The following PDE5A variants were observed in gnomAD, a reference collection of about 807,000 sequenced individuals.
The protein encoded by PDE5A is phosphodiesterase 5A.
A neutral mutation model predicts 110.2 loss-of-function variants in PDE5A; 67 were observed. The ratio of observed to expected loss-of-function variants is 0.61; its 90% confidence interval spans 0.50 to 0.75. The LOEUF is 0.75. Ranked by LOEUF, PDE5A falls within the 30% of genes least tolerant of loss-of-function variation. The pLI, the probability that PDE5A is intolerant of heterozygous loss-of-function variation, is 0.00. For missense variants in PDE5A, 862 were observed against 1,045.1 expected (o/e 0.82, Z 2.42); for synonymous variants, 328 against 351.2 (o/e 0.93, Z 0.74).
intron 3 of PDE5A, among the ~76,000 whole-genome samples, chr4:119,580,039 G>C (rs911046879): frequency 2.2e-4 from 33 of 152,226 alleles, no homozygotes; most frequent in African/African-American, 7.7e-4. Context: ...CCCCAGACGG[G>C]GCCAGGGCAA....
intron 11 of PDE5A, among the ~76,000 whole-genome samples, chr4:119,537,899 G>T (rs997743871): frequency 6.6e-6 from 1 of 152,078 alleles, no homozygotes; most frequent in Non-Finnish European, 1.5e-5. Context: ...AGAGAGTGGA[G>T]GAGCAGCTAT....
At chr4:119,613,969 C>T (rs1729845696) in intron 1 of PDE5A, among the ~76,000 whole-genome samples, 2 of 151,608 alleles carry the variant, frequency 1.3e-5, no homozygotes, top group Admixed American at 1.3e-4. Context: ...ATGAAGAAGG[C>T]ACTCCGTAAC....
rs1335969996 is a variant in PDE5A at position 119,496,921 on chromosome 4, C to T, written c.*1680G>A. 1.3e-5 allele frequency: 2 copies of T among 152,280 alleles called. No homozygotes were observed. The highest frequency in any genetic ancestry group is 4.8e-5 in the African/African-American group (2 of 41,368). 9.4% of individuals were successfully genotyped at this position (152,280 alleles called of 1,614,324 possible). On this transcript the variant is annotated 3_prime_UTR_variant, in exon 21 of 21. Coordinates refer to ENST00000354960, the MANE Select transcript of PDE5A (RefSeq NM_001083.4). ...ACCTTTACCAAATACAAAATAATGGCAATACAATGTGTTTTGCTTCTATTT... is the reference window on the plus strand; with the variant it reads ...ACCTTTACCAAATACAAAATAATGGTAATACAATGTGTTTTGCTTCTATTT...
At chr4:119,528,417 G>A (rs1246870914) in intron 11 of PDE5A, among the ~76,000 whole-genome samples, 1 of 149,072 alleles carries the variant, frequency 6.7e-6, no homozygotes, top group Non-Finnish European at 1.5e-5. Flanking sequence ...AAAACTAATT[G>A]TTCTAAATAC....
chr4:119,563,423 A>G (rs1727814810), intron 5 of PDE5A, among the ~76,000 whole-genome samples: 1 of 152,196 alleles, frequency 6.6e-6, no homozygotes, highest in Non-Finnish European at 1.5e-5. Flanking sequence ...AGTAAATATT[A>G]CCCGTCAAAG....
rs144254690 is a variant in PDE5A at position 119,524,333 on chromosome 4, GGATA to G, written c.1779+1212_1779+1215del. The stretch of plus-strand genomic sequence containing the variant: ...CCCAATTTCTTCATTTGTAAAATGG[GGATA>G]ACAGTAATCCCAGTAACAGCCTTTC... On this transcript the variant is annotated intron_variant, in intron 12 of 20. Transcript: ENST00000354960. Among the ~76,000 whole-genome samples, 1,145 of 152,122 alleles carry G rather than the reference GGATA, an allele frequency of 7.5e-3. 13 individuals are homozygous for G. Among genetic ancestry groups the G allele is most frequent in the African/African-American group, 0.026 (1,080 of 41,530 alleles).
chr4:119,622,386 A>T (rs760188693), intron 1 of PDE5A, among the ~76,000 whole-genome samples: 25 of 152,208 alleles, frequency 1.6e-4, no homozygotes, highest in Non-Finnish European at 1.9e-4. Context: ...TCAAATGGTG[A>T]TCCTTTCTCT....
chr4:119,506,464 G>A (rs995816055), intron 16 of PDE5A, among the ~76,000 whole-genome samples: 2 of 151,704 alleles, frequency 1.3e-5, no homozygotes, highest in African/African-American at 4.8e-5. Context: ...GCCCAGTATT[G>A]TTAAGCATTT....
intron 9 of PDE5A, among the ~76,000 whole-genome samples, chr4:119,545,893 C>T (rs1727116365): frequency 6.6e-6 from 1 of 152,124 alleles, no homozygotes; most frequent in Admixed American, 6.5e-5. Flanking sequence ...CTTGCAAATA[C>T]TTTTGTTTCT....
intron 1 of PDE5A, among the ~76,000 whole-genome samples, chr4:119,625,771 A>G (rs564562304): frequency 7.9e-5 from 12 of 152,332 alleles, no homozygotes; most frequent in East Asian, 7.7e-4. Flanking sequence ...AACGTATGCA[A>G]TAAGTTTTTA....
chr4:119,611,839 A>G (rs546599736), intron 1 of PDE5A, among the ~76,000 whole-genome samples: 1 of 152,342 alleles, frequency 6.6e-6, no homozygotes, highest in African/African-American at 2.4e-5. Context: ...ACATGTTATC[A>G]TAACATCAAA....
Position 119,525,686 on chromosome 4 carries a change from C to T in PDE5A, c.1642G>A (p.Val548Met), listed in dbSNP as rs776328101. Reference protein sequence around the residue: ...RELQSLAAAVVPSAQTLKITD... With the variant: ...RELQSLAAAVMPSAQTLKITD... ...ATTTTAAGGGTCTGGGCAGATGGCACCACAGCAGCCTTGGGTAAGGAAAGA... is the reference window on the plus strand; with the variant it reads ...ATTTTAAGGGTCTGGGCAGATGGCATCACAGCAGCCTTGGGTAAGGAAAGA... Residue 548 changes from valine to methionine, a missense_variant, in exon 12 of 21, where the codon GTG (valine) becomes ATG (methionine). Physicochemically the swap from Val to Met is conservative, Grantham distance 21 (BLOSUM62 1). Transcript: ENST00000354960. This position sits in a 1 kb window ranked among gnomAD's most constrained non-coding sequence, Gnocchi z 4.3. 1.1e-5 allele frequency: 18 copies of T among 1,607,712 alleles called. No homozygotes were observed. The highest frequency in any genetic ancestry group is 1.0e-5 in the Non-Finnish European group (12 of 1,177,938).
chr4:119,512,974 G>C (rs1306261645), intron 14 of PDE5A: 3 of 152,024 alleles, frequency 2.0e-5, no homozygotes, highest in African/African-American at 7.2e-5. Flanking sequence ...ATGTCAGGTA[G>C]TTTGCTTTAA....
intron 1 of PDE5A, among the ~76,000 whole-genome samples, chr4:119,617,740 T>G (rs1050507670): frequency 1.3e-5 from 2 of 152,138 alleles, no homozygotes; most frequent in African/African-American, 2.4e-5. Flanking sequence ...AAATAATGTA[T>G]CAAAGGATAA....
At position 119,562,877 on chromosome 4, in the gene PDE5A, G is replaced by T; in HGVS notation, c.1087C>A (p.Gln363Lys). The T allele has an allele frequency of 1.9e-6, 3 of 1,595,310 alleles. No individual in the cohort carries two copies. Among genetic ancestry groups the T allele is most frequent in the Non-Finnish European group, 2.6e-6 (3 of 1,172,146 alleles). ...KIAATIISFM[Q>K]VQKCTIFIVD... Reference sequence around the variant, plus strand: ...ATGAAAATGGTGCATTTCTGCACTTGCATGAAAGAGATAATAGTGGCAGCT... The same window carrying T: ...ATGAAAATGGTGCATTTCTGCACTTTCATGAAAGAGATAATAGTGGCAGCT... Residue 363 changes from glutamine to lysine, a missense_variant, in exon 6 of 21, where the codon CAA (glutamine) becomes AAA (lysine). Coordinates refer to ENST00000354960, the MANE Select transcript of PDE5A (RefSeq NM_001083.4).
chr4:119,496,664 T>C lies in PDE5A; in HGVS notation c.*1937A>G, dbSNP rs183097321. 1.3e-5 allele frequency: 2 copies of C among 152,598 alleles called. No homozygotes were observed. The highest frequency in any genetic ancestry group is 2.1e-4 in the South Asian group (1 of 4,830). 9.5% of individuals were successfully genotyped at this position (152,598 alleles called of 1,614,324 possible). A position where few individuals can be genotyped will look rare whatever the true frequency, so the allele number is the denominator to read the frequency against. The stretch of plus-strand genomic sequence containing the variant: ...ATGTAATAAAAAGGTTTATTAAAGA[T>C]TGCTATTCTTTATGCAATTTTTCTA... On this transcript the variant is annotated 3_prime_UTR_variant, in exon 21 of 21. Transcript: ENST00000354960.
At chr4:119,527,926 A>C (rs1726385481) in intron 11 of PDE5A, among the ~76,000 whole-genome samples, 1 of 152,146 alleles carries the variant, frequency 6.6e-6, no homozygotes, top group Non-Finnish European at 1.5e-5. Context: ...TTGCTTATTT[A>C]TATGAGAGCA....
intron 14 of PDE5A, among the ~76,000 whole-genome samples, chr4:119,517,321 G>A (rs928779167): frequency 6.6e-6 from 1 of 151,840 alleles, no homozygotes; most frequent in East Asian, 1.9e-4. Context: ...CTTTACATGG[G>A]AATATTTATG....
chr4:119,561,829 T>C (rs1277095807), intron 6 of PDE5A, among the ~76,000 whole-genome samples: 16 of 152,194 alleles, frequency 1.1e-4, no homozygotes, highest in Admixed American at 1.0e-3. Context: ...CTGACACATA[T>C]ACACATCCCA....
Sources: gnomAD v4.1 joint callset for allele counts (sites outside exome capture counted in the v4.1 genomes callset) on GRCh38, gnomAD v4.1.1 for gene constraint, Gnocchi (gnomAD v3.1) non-coding constraint, MANE v1.5 for transcripts, NCBI Gene and HGNC (gene_info 2026-07-23, HGNC 2026-07-21) for gene names.